Variants in REV3L observed in about 807,000 individuals in gnomAD.
REV3L encodes the protein DNA polymerase zeta catalytic subunit.
Under a neutral mutation model 299.4 loss-of-function variants are expected in REV3L, and 69 were observed. That is an observed-to-expected ratio of 0.23 (90% confidence interval 0.19 to 0.28). The LOEUF is 0.28. REV3L is among the 10% of genes least tolerant of loss of function. The pLI is 1.00. For synonymous variants in REV3L, 1,238 were observed against 1,271.4 expected (o/e 0.97, Z 0.56); for missense variants, 3,128 against 3,693.8 (o/e 0.85, Z 3.97).
At chr6:111,440,352 A>G (rs1363649261) in intron 1 of REV3L, among the ~76,000 whole-genome samples, 1 of 152,242 alleles carries the variant, frequency 6.6e-6, no homozygotes, top group Non-Finnish European at 1.5e-5. Flanking sequence ...TACAGGCGTG[A>G]GCCACCACGC....
chr6:111,400,503 T>A (rs1562255320), intron 4 of REV3L, among the ~76,000 whole-genome samples: 1 of 152,218 alleles, frequency 6.6e-6, no homozygotes. Context: ...TATCATCTTT[T>A]CATGTGTTTG....
chr6:111,301,229 C>G (rs1488458678), intron 31 of REV3L, among the ~76,000 whole-genome samples: 5 of 152,108 alleles, frequency 3.3e-5, no homozygotes, highest in East Asian at 3.8e-4. Context: ...GATCACGAAC[C>G]CTGTTTCCTG....
intron 1 of REV3L, chr6:111,431,170 G>T: frequency 6.4e-7 from 1 of 1,562,352 alleles, no homozygotes; most frequent in Admixed American, 1.7e-5. Context: ...TGAGTTTTTG[G>T]CCACGTGCCA....
At chr6:111,420,900 G>C (rs369868218) in intron 1 of REV3L, among the ~76,000 whole-genome samples, 1 of 152,260 alleles carries the variant, frequency 6.6e-6, no homozygotes, top group East Asian at 1.9e-4. Flanking sequence ...CCAGCACTTT[G>C]GGGGCTGAGG....
In REV3L at chr6:111,367,173, T is replaced by C. The variant is rs775581962; in HGVS notation, c.6615A>G (p.Ile2205Met). The change falls in exon 14 of 32, where the codon ATA becomes ATG. Residue 2205 changes from isoleucine (I) to methionine (M), a missense_variant. Physicochemically the swap from Ile to Met is conservative, Grantham distance 10 (BLOSUM62 1). This residue lies in a region of REV3L where 2,409 missense variants were observed against 2,611.8 expected (regional missense o/e 0.92). Coordinates refer to ENST00000368802, the MANE Select transcript of REV3L (RefSeq NM_001372078.1). ...ESLCFHSTPI[I>M]QRKLLERLPE... The stretch of plus-strand genomic sequence containing the variant: ...GAAGCCTTTCCAGAAGTTTTCTCTG[T>C]ATGATTGGTGTACTATGAAAGCAAA... 5 of 1,612,382 alleles carry C rather than the reference T, an allele frequency of 3.1e-6. No individual in the cohort carries two copies. The East Asian group carries it at 8.9e-5, about 29-fold the overall frequency.
chr6:111,313,016 A>C (rs1773145673), intron 28 of REV3L: 1 of 178,872 alleles, frequency 5.6e-6, no homozygotes, highest in Non-Finnish European at 1.2e-5. Flanking sequence ...GACTAAAATC[A>C]AATAAATTGT....
At chr6:111,306,118 G>C (rs1426365306) in intron 31 of REV3L, among the ~76,000 whole-genome samples, 1 of 152,162 alleles carries the variant, frequency 6.6e-6, no homozygotes, top group African/African-American at 2.4e-5. Context: ...TGGTTCATTT[G>C]CTATTTAGTG....
At chr6:111,377,620 A>G (rs1408139310) in intron 12 of REV3L, 81 bp downstream of exon 12, 1 of 1,386,646 alleles carries the variant, frequency 7.2e-7, no homozygotes, top group African/African-American at 1.4e-5. Context: ...TACAGGTGTG[A>G]GCCAGAGCGC....
chr6:111,328,834 T>C (rs1775093531), intron 25 of REV3L, among the ~76,000 whole-genome samples: 1 of 152,192 alleles, frequency 6.6e-6, no homozygotes, highest in South Asian at 2.1e-4. Context: ...GGTGCAATCA[T>C]GGCTCACTGC....
chr6:111,430,478 T>C (rs1290329673), intron 1 of REV3L: 1 of 1,547,614 alleles, frequency 6.5e-7, no homozygotes, highest in African/African-American at 1.4e-5. Flanking sequence ...CCATTTATTA[T>C]AAAGCTGCAA....
intron 1 of REV3L, among the ~76,000 whole-genome samples, chr6:111,455,702 T>C (rs755494387): frequency 6.6e-6 from 1 of 152,230 alleles, no homozygotes; most frequent in Non-Finnish European, 1.5e-5. Flanking sequence ...GATTGTTACC[T>C]GTTTATGATT....
chr6:111,310,165 TAA>T (rs1330043652), intron 29 of REV3L, 66 bp from the exon 30 acceptor site: 1 of 1,455,258 alleles, frequency 6.9e-7, no homozygotes, highest in African/African-American at 1.4e-5. Flanking sequence ...TCTCACAAAT[TAA>T]GTCAGAATTA....
At chr6:111,450,316 TAAA>T (rs1430492329) in intron 1 of REV3L, among the ~76,000 whole-genome samples, 1 of 151,556 alleles carries the variant, frequency 6.6e-6, no homozygotes, top group Non-Finnish European at 1.5e-5. Flanking sequence ...CTACCTCTAC[TAAA>T]AATTAAAAAA....
rs781704393 is a variant in REV3L at position 111,373,196 on chromosome 6, G to A, written c.5159C>T (p.Ser1720Phe). 4 of 1,614,016 alleles carry A rather than the reference G, an allele frequency of 2.5e-6. No individual in the cohort carries two copies. In the African/African-American group the frequency reaches 5.3e-5, roughly 22 times the overall value. Reference protein sequence around the residue: ...HTTDSASWIRSGTLSPEIFEK... With the variant: ...HTTDSASWIRFGTLSPEIFEK... The stretch of plus-strand genomic sequence containing the variant: ...AAAAATTTCAGGACTTAAAGTACCA[G>A]ATCTAATCCATGAGGCTGAGTCTGT... The change falls in exon 13 of 32, where the codon TCT becomes TTT. Residue 1720 changes from serine (S) to phenylalanine (F), a missense_variant. Physicochemically the swap from Ser to Phe is radical, Grantham distance 155. Transcript: ENST00000368802.
chr6:111,375,859 C>A lies in REV3L; in HGVS notation c.2496G>T (p.Leu832Phe). Residue 832 changes from leucine (L) to phenylalanine (F), a missense_variant, in exon 13 of 32, where the codon TTG becomes TTT. Physicochemically the swap from Leu to Phe is conservative, Grantham distance 22 (BLOSUM62 0). This residue lies in a region of REV3L where 2,409 missense variants were observed against 2,611.8 expected (regional missense o/e 0.92). Coordinates refer to ENST00000368802, the MANE Select transcript of REV3L (RefSeq NM_001372078.1). ...GATGACCTGCAAGTTTCCTTTTATTCAATTTTAACCGGGATGGTTTATTGC... is the reference window on the plus strand; with the variant it reads ...GATGACCTGCAAGTTTCCTTTTATTAAATTTTAACCGGGATGGTTTATTGC... ...QPGNKPSRLKLNKRKLAGHQE... is the reference protein window; with the variant it reads ...QPGNKPSRLKFNKRKLAGHQE... The A allele has an allele frequency of 6.2e-7, 1 of 1,613,680 alleles. No individual in the cohort carries two copies. The highest frequency in any genetic ancestry group is 8.5e-7 in the Non-Finnish European group (1 of 1,179,822).
At position 111,367,640 on chromosome 6, in the gene REV3L, G is replaced by A. The variant is rs1779359133; in HGVS notation, c.6148C>T (p.Pro2050Ser). Residue 2050 changes from proline to serine, a missense_variant, in exon 14 of 32, where the codon CCT becomes TCT. Coordinates refer to ENST00000368802, the MANE Select transcript of REV3L (RefSeq NM_001372078.1). The stretch of plus-strand genomic sequence containing the variant: ...CATGGACTTACATCCATTTTTGGAG[G>A]CACTACAGGTTTGTCATCTGGGTTA... ...SVNPDDKPVV[P>S]PKMDVSPCIL... is the part of the protein sequence containing the mutation. 2 of 1,614,120 alleles carry A rather than the reference G, an allele frequency of 1.2e-6. No homozygotes were observed. The highest frequency in any genetic ancestry group is 8.5e-7 in the Non-Finnish European group (1 of 1,180,022).
At position 111,299,936 on chromosome 6, in the gene REV3L, A is replaced by AAGG; in HGVS notation, c.*79_*80insCCT. The AAGG allele has an allele frequency of 2.2e-6, 3 of 1,377,272 alleles. No homozygotes were observed. Among genetic ancestry groups the AAGG allele is most frequent in the African/African-American group, 1.5e-5 (1 of 68,284 alleles). 85.3% of individuals were successfully genotyped at this position (1,377,272 alleles called of 1,614,324 possible). On this transcript the variant is annotated 3_prime_UTR_variant, in exon 32 of 32. Coordinates refer to ENST00000368802, the MANE Select transcript of REV3L (RefSeq NM_001372078.1). ...ACAGTGAACATCCTTGACTCGATGA[A>AAGG]AGTTAAAAAGCACCATGCACAACAG...
At chr6:111,465,408 A>C (rs563479428) in intron 1 of REV3L, among the ~76,000 whole-genome samples, 28 of 151,892 alleles carry the variant, frequency 1.8e-4, no homozygotes, top group Admixed American at 1.8e-3. Flanking sequence ...TAAAATTACA[A>C]GAGTGAAAAA....
intron 2 of REV3L, chr6:111,412,424 C>T (rs1435304500): frequency 5.3e-6 from 1 of 189,904 alleles, no homozygotes; most frequent in Non-Finnish European, 9.7e-6. Flanking sequence ...CTCTGATATA[C>T]AGAACACTAT....
Sources: allele counts gnomAD v4.1 joint callset (sites outside exome capture counted in the v4.1 genomes callset), GRCh38; gene constraint gnomAD v4.1.1; regional missense constraint gnomAD v4.1.1; transcripts MANE v1.5; gene names NCBI Gene and HGNC (gene_info 2026-07-23, HGNC 2026-07-21).